The following ESRRG variants were observed in gnomAD, a reference collection of about 807,000 sequenced individuals.
The protein encoded by ESRRG is estrogen related receptor gamma, also known as estrogen-related receptor gamma.
Under a neutral mutation model 44.0 loss-of-function variants are expected in ESRRG, and 13 were observed. The observed-to-expected ratio is 0.30, with a 90% CI of 0.19 to 0.47. ESRRG has a LOEUF of 0.47. Ranked by LOEUF, ESRRG falls within the 20% of genes least tolerant of loss-of-function variation. The pLI, the probability that ESRRG is intolerant of heterozygous loss-of-function variation, is 1.00. For missense variants in ESRRG, 395 were observed against 580.6 expected, an observed-to-expected ratio of 0.68 and a Z score of 3.29; for synonymous variants, 215 against 214.6, an observed-to-expected ratio of 1.00 and a Z score of -0.02.
At chr1:216,991,380 C>T (rs996639325) in intron 1 of ESRRG, among the ~76,000 whole-genome samples, 21 of 152,008 alleles carry the variant, frequency 1.4e-4, no homozygotes, top group Admixed American at 9.2e-4. Context: ...TTTGTTGTTG[C>T]TGCTGCTGCT....
At chr1:216,780,717 CAG>C (rs1191977940) in intron 2 of ESRRG, among the ~76,000 whole-genome samples, 3 of 151,882 alleles carry the variant, frequency 2.0e-5, no homozygotes, top group Non-Finnish European at 4.4e-5. Context: ...GATGAGAAAA[CAG>C]AGTCCAGGGA....
At chr1:216,517,013 C>T (rs2044536406) in intron 6 of ESRRG, among the ~76,000 whole-genome samples, 1 of 152,036 alleles carries the variant, frequency 6.6e-6, no homozygotes, top group Admixed American at 6.6e-5. Context: ...TAAAATAGTC[C>T]TTAGAGTTCT....
upstream of ESRRG, among the ~76,000 whole-genome samples, chr1:216,725,797 C>A (rs537706234): frequency 6.6e-6 from 1 of 152,244 alleles, no homozygotes; most frequent in South Asian, 2.1e-4. Flanking sequence ...TTAATGTACT[C>A]AAAGAATGCA....
chr1:216,851,079 T>A (rs2095835801), intron 2 of ESRRG, among the ~76,000 whole-genome samples: 1 of 150,712 alleles, frequency 6.6e-6, no homozygotes, highest in African/African-American at 2.4e-5. Flanking sequence ...GATATTTTGT[T>A]TTTATTGAAT....
chr1:216,900,846 C>T (rs913707549), intron 2 of ESRRG, among the ~76,000 whole-genome samples: 2 of 152,148 alleles, frequency 1.3e-5, no homozygotes, highest in Non-Finnish European at 2.9e-5. Flanking sequence ...TAACCATATC[C>T]AGTTCTCGTG....
chr1:216,955,034 C>T (rs75908712), intron 1 of ESRRG, among the ~76,000 whole-genome samples: 3,013 of 152,186 alleles, frequency 0.02, 88 homozygotes, highest in African/African-American at 0.063. Context: ...CCATTTATCA[C>T]TTCTTTGCAT....
chr1:216,674,348 G>A (rs2075717846), intron 2 of ESRRG, among the ~76,000 whole-genome samples: 1 of 152,142 alleles, frequency 6.6e-6, no homozygotes, highest in Admixed American at 6.5e-5. Flanking sequence ...TGAGGTTAAT[G>A]CCTTCAATTT....
rs2096431887 is a variant in ESRRG at position 216,880,636 on chromosome 1, A to G, written c.-14+58946T>C. Among the ~76,000 whole-genome samples, 4 of 152,274 alleles carry G rather than the reference A, an allele frequency of 2.6e-5. No homozygotes were observed. The South Asian group carries it at 8.3e-4, about 32-fold the overall frequency. On this transcript the variant is annotated intron_variant, in intron 2 of 7. Transcript: ENST00000359162. The stretch of plus-strand genomic sequence containing the variant: ...AGGTAAATGTTCCTAACATATTAGT[A>G]TTTACATTTATAACACCAACATCAG...
intron 5 of ESRRG, 116 bp downstream of exon 5, chr1:216,564,103 T>A: frequency 5.7e-6 from 3 of 530,508 alleles, no homozygotes; most frequent in Non-Finnish European, 9.7e-6. Flanking sequence ...TAAAAATAAA[T>A]GTAAAGGGTT....
At chr1:216,854,245 T>C (rs1347815724) in intron 2 of ESRRG, among the ~76,000 whole-genome samples, 1 of 149,574 alleles carries the variant, frequency 6.7e-6, no homozygotes, top group Admixed American at 6.8e-5. Context: ...TAGTCCCAGC[T>C]ACTCAGGAGG....
At chr1:217,064,957 A>G (rs1370707512) in intron 1 of ESRRG, among the ~76,000 whole-genome samples, 1 of 152,172 alleles carries the variant, frequency 6.6e-6, no homozygotes, top group Non-Finnish European at 1.5e-5. Flanking sequence ...AAGAAGAAAA[A>G]GAAATTATAG....
chr1:216,608,025 A>G (rs1326611331), intron 3 of ESRRG, among the ~76,000 whole-genome samples: 1 of 152,240 alleles, frequency 6.6e-6, no homozygotes, highest in African/African-American at 2.4e-5. Flanking sequence ...AATAACCATT[A>G]TTCAGTAAAA....
chr1:216,541,061 T>G (rs573061123), intron 5 of ESRRG, among the ~76,000 whole-genome samples: 2 of 152,126 alleles, frequency 1.3e-5, no homozygotes, highest in African/African-American at 4.8e-5. Context: ...TTCTTCCAAG[T>G]TTTATTAATT....
chr1:217,101,018 C>T (rs754686233), intron 1 of ESRRG, among the ~76,000 whole-genome samples: 1 of 152,184 alleles, frequency 6.6e-6, no homozygotes, highest in Non-Finnish European at 1.5e-5. Context: ...GAACCCTTAC[C>T]ATTTGTTTTA....
At chr1:216,772,259 C>A (rs2093415319) in intron 2 of ESRRG, among the ~76,000 whole-genome samples, 1 of 152,118 alleles carries the variant, frequency 6.6e-6, no homozygotes, top group Admixed American at 6.6e-5. Context: ...ATACAGCTGG[C>A]TGCAAAATCT....
intron 2 of ESRRG, among the ~76,000 whole-genome samples, chr1:216,797,751 A>G (rs2094512609): frequency 6.6e-6 from 1 of 152,090 alleles, no homozygotes; most frequent in African/African-American, 2.4e-5. Flanking sequence ...TATACTACCA[A>G]CATGACTTAA....
intron 6 of ESRRG, among the ~76,000 whole-genome samples, chr1:216,512,154 C>T (rs1245133878): frequency 6.6e-6 from 1 of 152,164 alleles, no homozygotes; most frequent in African/African-American, 2.4e-5. Context: ...TGAACGTCAA[C>T]AGTTGCTAAC....
At chr1:216,544,518 T>A (rs911691256) in intron 5 of ESRRG, among the ~76,000 whole-genome samples, 1 of 151,944 alleles carries the variant, frequency 6.6e-6, no homozygotes, top group South Asian at 2.1e-4. Flanking sequence ...AGTGCTAGGC[T>A]TTTTGGTGCT....
chr1:216,878,617 AT>A (rs1356867989), intron 2 of ESRRG, among the ~76,000 whole-genome samples: 4 of 152,142 alleles, frequency 2.6e-5, no homozygotes, highest in Admixed American at 1.3e-4. Context: ...GTTTCCCTCC[AT>A]GTAGTAACAT....
Sources: allele counts gnomAD v4.1 joint callset (sites outside exome capture counted in the v4.1 genomes callset), GRCh38; gene constraint gnomAD v4.1.1; transcripts MANE v1.5; gene names NCBI Gene and HGNC (gene_info 2026-07-23, HGNC 2026-07-21).